Variants in CCL22 observed in about 807,000 individuals in gnomAD.
The protein encoded by CCL22 is C-C motif chemokine 22.
Under a neutral mutation model 7.6 loss-of-function variants are expected in CCL22, and 7 were observed. The ratio of observed to expected loss-of-function variants is 0.92; its 90% CI spans 0.52 to 1.72. The LOEUF (loss-of-function observed/expected upper bound fraction) is 1.72, where lower values mean the gene tolerates loss of function less well. Among genes scored for constraint, CCL22 ranks in the 40% most tolerant of loss-of-function variants. CCL22 has a pLI of 0.00. For synonymous variants in CCL22, 55 were observed against 47.2 expected (o/e 1.17, Z -0.68); for missense variants, 115 against 124.7 (o/e 0.92, Z 0.37).
At chr16:57,362,816 G>A (rs1306463557) in intron 2 of CCL22, among the ~76,000 whole-genome samples, 15 of 151,836 alleles carry the variant, frequency 9.9e-5, no homozygotes, top group African/African-American at 3.4e-4. Context: ...AGCCAAGATC[G>A]TACCACTACA....
intron 1 of CCL22, among the ~76,000 whole-genome samples, chr16:57,359,652 T>A (rs1411514274): frequency 6.6e-6 from 1 of 150,950 alleles, no homozygotes; most frequent in African/African-American, 2.4e-5. Flanking sequence ...TTATTTATTT[T>A]TTGAGATGGA....
Position 57,365,437 on chromosome 16 carries a change from G to A in CCL22, c.*1849G>A, listed in dbSNP as rs121565. 0.89 allele frequency: 135,412 copies of A among 152,312 alleles called. 60,477 individuals carry two copies. Among genetic ancestry groups the A allele is most frequent in the Non-Finnish European group, 0.94 (63,929 of 68,108 alleles). 9.4% of individuals were successfully genotyped at this position (152,312 alleles called of 1,614,324 possible). On this transcript the variant is annotated 3_prime_UTR_variant, in exon 3 of 3. Transcript: ENST00000219235. Reference sequence around the variant, plus strand: ...GGAACTGTGAGAGGGGGACAAGGTGGAGCTTTCCTGGCCCTGGGAGGAAGC... The same window carrying A: ...GGAACTGTGAGAGGGGGACAAGGTGAAGCTTTCCTGGCCCTGGGAGGAAGC...
At chr16:57,361,046 G>A (rs1372257592) in intron 2 of CCL22, among the ~76,000 whole-genome samples, 1 of 152,084 alleles carries the variant, frequency 6.6e-6, no homozygotes, top group Non-Finnish European at 1.5e-5. Flanking sequence ...GATCACTTGA[G>A]GTCAGGAGTT....
Position 57,364,472 on chromosome 16 carries a change from C to G in CCL22, c.*884C>G, listed in dbSNP as rs1403433571. ...TTGCCCAGATTCACCTTTCTTCCCC[C>G]ACTCCCTTTTTTTTTTTTTTTTTGA... On this transcript the variant is annotated 3_prime_UTR_variant, in exon 3 of 3. Coordinates refer to ENST00000219235, the MANE Select transcript of CCL22 (RefSeq NM_002990.5). The G allele has an allele frequency of 6.9e-6, 1 of 144,710 alleles. No individual in the cohort carries two copies. The highest frequency in any genetic ancestry group is 1.5e-5 in the Non-Finnish European group (1 of 66,632). The allele number at this position is 144,710 out of a possible 1,614,324, so 9.0% of individuals were successfully genotyped here. A position where few individuals can be genotyped will look rare whatever the true frequency, so the allele number is the denominator to read the frequency against.
In CCL22 at chr16:57,363,500, C is replaced by G; in HGVS notation, c.198-4C>G. On this transcript the variant is annotated splice_region_variant and splice_polypyrimidine_tract_variant and intron_variant, in intron 2 of 2. Transcript: ENST00000219235. ...GCATTGTCTCTGGGGTCTCCTTCTT[C>G]CAGGTTGCTAACCTTCAGGGATAAG... 6.2e-7 allele frequency: 1 copy of G among 1,606,788 alleles called. No homozygotes were observed. Among genetic ancestry groups the G allele is most frequent in the Non-Finnish European group, 8.5e-7 (1 of 1,173,602 alleles).
chr16:57,358,836 C>A lies in CCL22; in HGVS notation c.20C>A (p.Ala7Glu). Reference sequence around the variant, plus strand: ...CAGAGCATGGATCGCCTACAGACTGCACTCCTGGTTGTCCTCGTCCTCCTT... The same window carrying A: ...CAGAGCATGGATCGCCTACAGACTGAACTCCTGGTTGTCCTCGTCCTCCTT... Reference protein sequence around the residue: MDRLQTALLVVLVLLAV... With the variant: MDRLQTELLVVLVLLAV... Residue 7 changes from alanine (A) to glutamate (E), a missense_variant, in exon 1 of 3, where the codon GCA (alanine) becomes GAA (glutamate). By Grantham distance (107) the Ala-to-Glu change is moderately radical. Transcript: ENST00000219235. 4 of 1,613,830 alleles carry A rather than the reference C, an allele frequency of 2.5e-6. No individual in the cohort carries two copies. The highest frequency in any genetic ancestry group is 3.4e-6 in the Non-Finnish European group (4 of 1,179,796).
chr16:57,360,239 G>T (rs1403869206), intron 1 of CCL22, among the ~76,000 whole-genome samples, 198 bp from the exon 2 acceptor site: 1 of 152,198 alleles, frequency 6.6e-6, no homozygotes, highest in African/African-American at 2.4e-5. Context: ...TGTAGACATT[G>T]GACCCTAAGT....
chr16:57,362,612 G>A (rs1902060517), intron 2 of CCL22, among the ~76,000 whole-genome samples: 1 of 152,056 alleles, frequency 6.6e-6, no homozygotes, highest in African/African-American at 2.4e-5. Flanking sequence ...TATAATCCTA[G>A]CCTTTGGGAG....
chr16:57,358,705 C>T (rs1267379569), upstream of CCL22: 1 of 783,952 alleles, frequency 1.3e-6, no homozygotes, highest in East Asian at 2.5e-5. Context: ...TCTGGGCACC[C>T]CGGTGACTAA....
rs544093983 is a variant in CCL22 at position 57,358,984 on chromosome 16, A to T, written c.73+95A>T. The T allele has an allele frequency of 1.0e-5, 10 of 962,488 alleles. No individual in the cohort carries two copies. The East Asian group carries it at 1.2e-4, about 12-fold the overall frequency. The allele number at this position is 962,488 out of a possible 1,614,324, so 59.6% of individuals were successfully genotyped here. On this transcript the variant is annotated intron_variant, in intron 1 of 2. Transcript: ENST00000219235. The stretch of plus-strand genomic sequence containing the variant: ...TGGACAAGCACTGGACCAAGAGCAG[A>T]AGACCTCAGTCTGCTGTTGGCTCTT...
chr16:57,364,212 C>G lies in CCL22; in HGVS notation c.*624C>G, dbSNP rs149238009. ...CTTGGGATTTGGGGGTTTTCTCCCC[C>G]ACCTCTCCACTAGTTGGACCAAGGT... On this transcript the variant is annotated 3_prime_UTR_variant, in exon 3 of 3. Transcript: ENST00000219235. 2.0e-5 allele frequency: 3 copies of G among 153,226 alleles called. No homozygotes were observed. The highest frequency in any genetic ancestry group is 7.2e-5 in the African/African-American group (3 of 41,576). 9.5% of individuals were successfully genotyped at this position (153,226 alleles called of 1,614,324 possible).
rs1902100064 is a variant in CCL22, at chr16:57,365,490, C to T, written c.*1902C>T. The T allele has an allele frequency of 6.6e-6, 1 of 152,244 alleles. No individual in the cohort carries two copies. The highest frequency in any genetic ancestry group is 1.5e-5 in the Non-Finnish European group (1 of 68,078). The allele number at this position is 152,244 out of a possible 1,614,324, so 9.4% of individuals were successfully genotyped here. ...GCTGTGGTAGCGTAGCGCTCTCTCTCTCTGTCTGTGGCAGGAGGCAAAGAG... is the reference window on the plus strand; with the variant it reads ...GCTGTGGTAGCGTAGCGCTCTCTCTTTCTGTCTGTGGCAGGAGGCAAAGAG... On this transcript the variant is annotated 3_prime_UTR_variant, in exon 3 of 3. Transcript: ENST00000219235.
At position 57,363,777 on chromosome 16, in the gene CCL22, A is replaced by G; in HGVS notation, c.*189A>G. The G allele has an allele frequency of 1.7e-6, 1 of 579,088 alleles. No individual in the cohort carries two copies. Among genetic ancestry groups the G allele is most frequent in the Non-Finnish European group, 3.1e-6 (1 of 322,750 alleles). 35.9% of individuals were successfully genotyped at this position (579,088 alleles called of 1,614,324 possible). A position where few individuals can be genotyped will look rare whatever the true frequency, so the allele number is the denominator to read the frequency against. On this transcript the variant is annotated 3_prime_UTR_variant, in exon 3 of 3. Coordinates refer to ENST00000219235, the MANE Select transcript of CCL22 (RefSeq NM_002990.5). ...TGCCATCTCCCCCCTGACCCCTCTA[A>G]CCCATCCTCTGCCTCCCTCCCTGCA... is the stretch of plus-strand genomic sequence containing the variant.
At chr16:57,360,696 C>A in intron 2 of CCL22, 136 bp downstream of exon 2, 1 of 1,070,342 alleles carries the variant, frequency 9.3e-7, no homozygotes, top group Non-Finnish European at 1.4e-6. Context: ...GCCAGGATGG[C>A]TTGGCTGGAA....
At chr16:57,362,447 G>T (rs1266761157) in intron 2 of CCL22, among the ~76,000 whole-genome samples, 2 of 152,094 alleles carry the variant, frequency 1.3e-5, no homozygotes, top group Non-Finnish European at 2.9e-5. Context: ...GTGAGACCCT[G>T]TCTCTAAAAT....
chr16:57,363,032 G>A (rs1388974953), intron 2 of CCL22, among the ~76,000 whole-genome samples: 1 of 150,490 alleles, frequency 6.6e-6, no homozygotes, highest in African/African-American at 2.4e-5. Flanking sequence ...TCATTCTGTT[G>A]CCTAGGCTGG....
Position 57,365,651 on chromosome 16 carries a change from A to G in CCL22, c.*2063A>G. On this transcript the variant is annotated 3_prime_UTR_variant, in exon 3 of 3. Transcript: ENST00000219235. The stretch of plus-strand genomic sequence containing the variant: ...GAGACGGGGTTTTGCCATGTTACCC[A>G]GGCTGGTCTCAAACTCCTGGGCTCA... 6.6e-6 allele frequency: 1 copy of G among 152,468 alleles called. No individual in the cohort carries two copies. 9.4% of individuals were successfully genotyped at this position (152,468 alleles called of 1,614,324 possible). A position where few individuals can be genotyped will look rare whatever the true frequency, so the allele number is the denominator to read the frequency against.
chr16:57,360,761 T>C (rs1902040143), intron 2 of CCL22, among the ~76,000 whole-genome samples: 1 of 152,236 alleles, frequency 6.6e-6, no homozygotes, highest in Admixed American at 6.5e-5. Context: ...TGTGATCGTT[T>C]AGCCAATATC....
intron 2 of CCL22, among the ~76,000 whole-genome samples, chr16:57,363,074 C>A (rs1299335174): frequency 6.6e-6 from 1 of 151,904 alleles, no homozygotes. Flanking sequence ...GGGCTCACTG[C>A]AGCCTTGACC....
Sources: gnomAD v4.1 joint callset for allele counts (sites outside exome capture counted in the v4.1 genomes callset) on GRCh38, gnomAD v4.1.1 for gene constraint, MANE v1.5 for transcripts, NCBI Gene and HGNC (gene_info 2026-07-23, HGNC 2026-07-21) for gene names.